The following DDX39A variants were observed in gnomAD, a reference collection of about 807,000 sequenced individuals.
The protein encoded by DDX39A is ATP-dependent RNA helicase DDX39A.
DDX39A carries 13 observed loss-of-function variants against 46.3 expected under a neutral mutation model. The observed-to-expected ratio is 0.28, with a 90% confidence interval of 0.18 to 0.45. DDX39A has a LOEUF of 0.45. Among genes scored for constraint, DDX39A ranks in the 20% least tolerant of loss-of-function variants. DDX39A has a pLI of 1.00. For missense variants in DDX39A, 352 were observed against 581.8 expected (o/e 0.61, Z 4.06); for synonymous variants, 234 against 224.6 (o/e 1.04, Z -0.38).
At chr19:14,418,745 C>A (rs1270980800) in intron 1 of DDX39A, among the ~76,000 whole-genome samples, 1 of 152,122 alleles carries the variant, frequency 6.6e-6, no homozygotes, top group Non-Finnish European at 1.5e-5. Context: ...ATTACAAGAG[C>A]CACCGCGCCC....
rs1178740548 is a variant in DDX39A, at chr19:14,410,410, C to T, written c.614-76G>A. ...ACCCCCACCCCAGACCAGACCCAGA[C>T]CCCTCCCAACCTGTGCCAGGGAGCC... On this transcript the variant is annotated intron_variant, in intron 5 of 10. Transcript: ENST00000242776. The surrounding 1 kb of genome is among the most constrained non-coding windows in gnomAD (Gnocchi z 4.3). The T allele has an allele frequency of 3.4e-5, 44 of 1,285,748 alleles. No individual in the cohort carries two copies. Among genetic ancestry groups the T allele is most frequent in the Non-Finnish European group, 4.2e-5 (37 of 889,886 alleles). The allele number at this position is 1,285,748 out of a possible 1,614,324, so 79.6% of individuals were successfully genotyped here.
chr19:14,409,234 T>G lies in DDX39A; in HGVS notation c.1120-50A>C. On this transcript the variant is annotated intron_variant, in intron 9 of 10. Coordinates refer to ENST00000242776, the MANE Select transcript of DDX39A (RefSeq NM_005804.4). This position sits in a 1 kb window ranked among gnomAD's most constrained non-coding sequence, Gnocchi z 8.3. ...AGGCCACAGATACTACCTCAGGACT[T>G]GAGGAAAAGCAGGGCTGGGGCCCCA... The G allele has an allele frequency of 6.2e-7, 1 of 1,612,800 alleles. No homozygotes were observed. Among genetic ancestry groups the G allele is most frequent in the Non-Finnish European group, 8.5e-7 (1 of 1,178,994 alleles).
intron 1 of DDX39A, among the ~76,000 whole-genome samples, chr19:14,414,896 C>T (rs1367474179): frequency 7.6e-6 from 1 of 131,768 alleles, no homozygotes; most frequent in Non-Finnish European, 1.6e-5. Flanking sequence ...ACCTGGGAGG[C>T]GGAGGTTGTG....
intron 1 of DDX39A, among the ~76,000 whole-genome samples, chr19:14,414,325 TTTA>T (rs376558858): frequency 0.26 from 34,577 of 133,022 alleles, 4,408 homozygotes; most frequent in South Asian, 0.38. Flanking sequence ...TATCACCTGT[TTTA>T]TTATTATTAT....
chr19:14,409,107 G>C lies in DDX39A; in HGVS notation c.1197C>G (p.Leu399=). ...FVSDENDAKI[L]NDVQDRFEVN... is the part of the protein sequence containing the mutation. ...CTTCAAACCGGTCCTGGACGTCATT[G>C]AGGATTTTGGCATCATTCTCGTCAG... Residue 399 remains leucine, a synonymous_variant, in exon 10 of 11, where the codon CTC becomes CTG. Transcript: ENST00000242776. This position sits in a 1 kb window ranked among gnomAD's most constrained non-coding sequence, Gnocchi z 8.3. 1.2e-6 allele frequency: 2 copies of C among 1,614,228 alleles called. No homozygotes were observed. The highest frequency in any genetic ancestry group is 1.7e-6 in the Non-Finnish European group (2 of 1,180,046).
At position 14,412,893 on chromosome 19, in the gene DDX39A, C is replaced by A; in HGVS notation, c.208+120G>T. 7.6e-7 allele frequency: 1 copy of A among 1,311,214 alleles called. No homozygotes were observed. Among genetic ancestry groups the A allele is most frequent in the Non-Finnish European group, 1.0e-6 (1 of 955,174 alleles). The allele number at this position is 1,311,214 out of a possible 1,614,324, so 81.2% of individuals were successfully genotyped here. A position where few individuals can be genotyped will look rare whatever the true frequency, so the allele number is the denominator to read the frequency against. Reference sequence around the variant, plus strand: ...GGCCCCGCTGGGCACAACTGATCCGCGGGACAGACGGGCCCCTCCCTCACC... The same window carrying A: ...GGCCCCGCTGGGCACAACTGATCCGAGGGACAGACGGGCCCCTCCCTCACC... On this transcript the variant is annotated intron_variant, in intron 2 of 10. Transcript: ENST00000242776. The surrounding 1 kb of genome is among the most constrained non-coding windows in gnomAD (Gnocchi z 4.4).
intron 1 of DDX39A, among the ~76,000 whole-genome samples, chr19:14,413,735 A>G (rs1976687400): frequency 6.6e-6 from 1 of 152,140 alleles, no homozygotes; most frequent in Non-Finnish European, 1.5e-5. Flanking sequence ...TCACTCCCCA[A>G]GGAACCCACT....
chr19:14,412,809 G>T lies in DDX39A; in HGVS notation c.209-131C>A. ...AGTCCGGACAAGGCCACAGACACCT[G>T]CAGGGCTGGGGTATCCGCCTGGTCA... On this transcript the variant is annotated intron_variant, in intron 2 of 10. Transcript: ENST00000242776. The surrounding 1 kb of genome is among the most constrained non-coding windows in gnomAD (Gnocchi z 4.4). 1 of 1,358,096 alleles carries T rather than the reference G, an allele frequency of 7.4e-7. No individual in the cohort carries two copies. Among genetic ancestry groups the T allele is most frequent in the Non-Finnish European group, 9.9e-7 (1 of 1,005,276 alleles). The allele number at this position is 1,358,096 out of a possible 1,614,324, so 84.1% of individuals were successfully genotyped here. A position where few individuals can be genotyped will look rare whatever the true frequency, so the allele number is the denominator to read the frequency against.
Position 14,410,914 on chromosome 19 carries a change from CAA to C in DDX39A, c.613+73_613+74del, listed in dbSNP as rs1463845145. ...CTGCCGGCCGCCCATGTAACCCACT[CAA>C]GAGCCTTCCGCCTGCTATGGGGCCC... On this transcript the variant is annotated intron_variant, in intron 5 of 10. Transcript: ENST00000242776. This position sits in a 1 kb window ranked among gnomAD's most constrained non-coding sequence, Gnocchi z 4.3. 1.6e-5 allele frequency: 22 copies of C among 1,407,226 alleles called. No individual in the cohort carries two copies. The highest frequency in any genetic ancestry group is 5.1e-5 in the Admixed American group (2 of 38,976). 87.2% of individuals were successfully genotyped at this position (1,407,226 alleles called of 1,614,324 possible).
rs1384509359 is a variant in DDX39A at position 14,412,441 on chromosome 19, G to C, written c.336+110C>G. 2 of 1,447,232 alleles carry C rather than the reference G, an allele frequency of 1.4e-6. No homozygotes were observed. The highest frequency in any genetic ancestry group is 1.9e-6 in the Non-Finnish European group (2 of 1,076,750). 89.6% of individuals were successfully genotyped at this position (1,447,232 alleles called of 1,614,324 possible). A position where few individuals can be genotyped will look rare whatever the true frequency, so the allele number is the denominator to read the frequency against. ...CTTCCTGGGCTCAAGCAATCCTCCA[G>C]CCTCAGCTTCCCAAAGCACTGGGCT... On this transcript the variant is annotated intron_variant, in intron 3 of 10. Coordinates refer to ENST00000242776, the MANE Select transcript of DDX39A (RefSeq NM_005804.4). This position sits in a 1 kb window ranked among gnomAD's most constrained non-coding sequence, Gnocchi z 4.4.
intron 1 of DDX39A, among the ~76,000 whole-genome samples, chr19:14,414,578 T>C (rs1227585462): frequency 6.8e-6 from 1 of 146,432 alleles, no homozygotes; most frequent in Non-Finnish European, 1.5e-5. Flanking sequence ...CTCAAACTCC[T>C]GACCTCATGA....
At position 14,409,052 on chromosome 19, in the gene DDX39A, C is replaced by T. The variant is rs1360378048; in HGVS notation, c.1252G>A (p.Asp418Asn). Residue 418 changes from aspartate to asparagine, a missense_variant, in exon 10 of 11, where the codon GAC becomes AAC. Physicochemically the swap from Asp to Asn is conservative, Grantham distance 23. This residue lies in a region of DDX39A where 301 missense variants were observed against 469.9 expected (regional missense o/e 0.64). Coordinates refer to ENST00000242776, the MANE Select transcript of DDX39A (RefSeq NM_005804.4). The surrounding 1 kb of genome is among the most constrained non-coding windows in gnomAD (Gnocchi z 8.3). ...AGGCACTTACTGTATGTGGAGATGT[C>T]GATTTCCTCTGGAAGTTCTGCCACA... ...VNVAELPEEI[D>N]ISTYIEQSR is the part of the protein sequence containing the mutation. The T allele has an allele frequency of 1.2e-6, 2 of 1,614,164 alleles. No individual in the cohort carries two copies. Among genetic ancestry groups the T allele is most frequent in the Non-Finnish European group, 1.7e-6 (2 of 1,180,032 alleles).
Position 14,409,426 on chromosome 19 carries a change from G to A in DDX39A, c.996C>T (p.Phe332=), listed in dbSNP as rs772264761. ...CCAGGATCCGCCGCTGGAAATCCTT[G>A]AACTGCTGATAGCGTGACAGGCTGG... The part of the protein sequence containing the change: ...QEERLSRYQQ[F]KDFQRRILVA... Residue 332 remains phenylalanine, a synonymous_variant, in exon 9 of 11, where the codon TTC becomes TTT. Transcript: ENST00000242776. The surrounding 1 kb of genome is among the most constrained non-coding windows in gnomAD (Gnocchi z 8.3). 1.2e-5 allele frequency: 19 copies of A among 1,614,074 alleles called. No homozygotes were observed. The highest frequency in any genetic ancestry group is 6.7e-5 in the Admixed American group (4 of 60,008).
Position 14,409,493 on chromosome 19 carries a change from C to T in DDX39A, c.974+43G>A, listed in dbSNP as rs747213514. The T allele has an allele frequency of 1.2e-6, 2 of 1,611,730 alleles. No individual in the cohort carries two copies. The highest frequency in any genetic ancestry group is 2.7e-5 in the African/African-American group (2 of 75,070). On this transcript the variant is annotated intron_variant, in intron 8 of 10. Transcript: ENST00000242776. This position sits in a 1 kb window ranked among gnomAD's most constrained non-coding sequence, Gnocchi z 8.3. Reference sequence around the variant, plus strand: ...GTGGAGGCCGTCAGACACTGGGCTCCTGGTGGTGCTCCCTGCAGCCTTGGC... The same window carrying T: ...GTGGAGGCCGTCAGACACTGGGCTCTTGGTGGTGCTCCCTGCAGCCTTGGC...
intron 1 of DDX39A, among the ~76,000 whole-genome samples, chr19:14,416,676 G>GTGTT (rs111896900): frequency 7.9e-5 from 12 of 152,226 alleles, no homozygotes; most frequent in African/African-American, 2.4e-4. Flanking sequence ...CACAGGGCAT[G>GTGTT]TGTTTGTTTG....
chr19:14,410,662 C>T lies in DDX39A; in HGVS notation c.613+327G>A. 1.9e-6 allele frequency: 1 copy of T among 518,426 alleles called. No individual in the cohort carries two copies. Among genetic ancestry groups the T allele is most frequent in the Non-Finnish European group, 3.5e-6 (1 of 284,100 alleles). 32.1% of individuals were successfully genotyped at this position (518,426 alleles called of 1,614,324 possible). ...TGCAGCTGCCTCCCAGGACACAAGC[C>T]CATCTCCCACCGGCCCTGTCGGGGC... On this transcript the variant is annotated intron_variant, in intron 5 of 10. Transcript: ENST00000242776. This position sits in a 1 kb window ranked among gnomAD's most constrained non-coding sequence, Gnocchi z 4.3.
rs147923085 is a variant in DDX39A at position 14,412,677 on chromosome 19, G to C, written c.210C>G (p.Val70=). Residue 70 remains valine, a splice_region_variant and synonymous_variant, in exon 3 of 11, where the codon GTC becomes GTG. Coordinates refer to ENST00000242776, the MANE Select transcript of DDX39A (RefSeq NM_005804.4). The surrounding 1 kb of genome is among the most constrained non-coding windows in gnomAD (Gnocchi z 4.4). ...TGGCCTGGGGAATGCACTCATGCTGGACTGCAGGAGAAGCAGAGCGTGAGG... is the reference window on the plus strand; with the variant it reads ...TGGCCTGGGGAATGCACTCATGCTGCACTGCAGGAGAAGCAGAGCGTGAGG... ...VDCGFEHPSE[V]QHECIPQAIL... 4.4e-6 allele frequency: 7 copies of C among 1,602,600 alleles called. No homozygotes were observed. Among genetic ancestry groups the C allele is most frequent in the Non-Finnish European group, 5.1e-6 (6 of 1,178,008 alleles).
Position 14,409,760 on chromosome 19 carries a change from AT to A in DDX39A, c.845del (p.Asp282ValfsTer8). 6.2e-7 allele frequency: 1 copy of A among 1,614,156 alleles called. No individual in the cohort carries two copies. The highest frequency in any genetic ancestry group is 8.5e-7 in the Non-Finnish European group (1 of 1,180,034). On this transcript the variant is annotated frameshift_variant, in exon 7 of 11. Coordinates refer to ENST00000242776, the MANE Select transcript of DDX39A (RefSeq NM_005804.4). LOFTEE classifies it high-confidence loss of function. This position sits in a 1 kb window ranked among gnomAD's most constrained non-coding sequence, Gnocchi z 8.3. ...GTATCACCTGGTTAAACTCCAGCAC[AT>A]CCAAGAGATCAAAGAGCTTGCGGTT... is the stretch of plus-strand genomic sequence containing the variant. ...EKNRKLFDLL[D>X]VLEFNQVIIF...
rs2146386937 is a variant in DDX39A at position 14,410,565 on chromosome 19, C to A, written c.614-231G>T. ...CCACTTACACGCTGGCGCGGAGCAG[C>A]CGTGCCCGTGCGCCTCGAGCCACGC... On this transcript the variant is annotated intron_variant, in intron 5 of 10. Coordinates refer to ENST00000242776, the MANE Select transcript of DDX39A (RefSeq NM_005804.4). This position sits in a 1 kb window ranked among gnomAD's most constrained non-coding sequence, Gnocchi z 4.3. 1 of 558,404 alleles carries A rather than the reference C, an allele frequency of 1.8e-6. No individual in the cohort carries two copies. Among genetic ancestry groups the A allele is most frequent in the South Asian group, 2.0e-5 (1 of 50,684 alleles). 34.6% of individuals were successfully genotyped at this position (558,404 alleles called of 1,614,324 possible). A position where few individuals can be genotyped will look rare whatever the true frequency, so the allele number is the denominator to read the frequency against.
Sources: allele counts gnomAD v4.1 joint callset (sites outside exome capture counted in the v4.1 genomes callset), GRCh38; gene constraint gnomAD v4.1.1; regional missense constraint gnomAD v4.1.1; non-coding constraint Gnocchi (gnomAD v3.1); transcripts MANE v1.5; gene names NCBI Gene and HGNC (gene_info 2026-07-23, HGNC 2026-07-21).